Variants in SLC22A5 observed in about 807,000 individuals in gnomAD.
SLC22A5 encodes solute carrier family 22 member 5, also known as organic cation/carnitine transporter 2.
In SLC22A5, 44 loss-of-function variants were observed where a neutral mutation model predicts 56.7. That is an observed-to-expected ratio of 0.78 (90% CI 0.61 to 1.00). The LOEUF (loss-of-function observed/expected upper bound fraction) is 1.00. Ranked by LOEUF, SLC22A5 falls within the 50% of genes least tolerant of loss-of-function variation. The pLI, the probability that SLC22A5 is intolerant of heterozygous loss-of-function variation, is 0.00. For missense variants in SLC22A5, 675 were observed against 723.0 expected, an observed-to-expected ratio of 0.93 and a Z score of 0.76; for synonymous variants, 278 against 292.1, an observed-to-expected ratio of 0.95 and a Z score of 0.49.
intron 1 of SLC22A5, 197 bp from the exon 2 acceptor site, chr5:132,378,181 C>T: frequency 6.3e-7 from 1 of 1,595,326 alleles, no homozygotes; most frequent in Non-Finnish European, 8.5e-7. Flanking sequence ...GTGGGGCCTA[C>T]AATGCTATGA....
At chr5:132,392,692 G>A in intron 8 of SLC22A5, 77 bp downstream of exon 8, 1 of 1,314,392 alleles carries the variant, frequency 7.6e-7, no homozygotes, top group Non-Finnish European at 1.1e-6. Context: ...GCTGGAGGTT[G>A]CGTGTTAACA....
chr5:132,383,690 A>G (rs71583485), intron 2 of SLC22A5: 15,889 of 207,702 alleles, frequency 0.076, 839 homozygotes, highest in East Asian at 0.26. Context: ...ACTTTTGTAC[A>G]TGATACTACC....
intron 7 of SLC22A5, 38 bp downstream of exon 7, chr5:132,390,942 T>C: frequency 6.6e-7 from 1 of 1,509,080 alleles, no homozygotes; most frequent in Non-Finnish European, 9.2e-7. Flanking sequence ...GGGTCTTCAC[T>C]GAGTCTCTTA....
In SLC22A5 at chr5:132,394,170, T is replaced by G; in HGVS notation, c.1587-15T>G. The G allele has an allele frequency of 6.4e-7, 1 of 1,561,912 alleles. No individual in the cohort carries two copies. The stretch of plus-strand genomic sequence containing the variant: ...TTAAAATGTGTTACTGACATATTTT[T>G]GCTTGTTTTTATAGAATGAAACACA... On this transcript the variant is annotated splice_polypyrimidine_tract_variant and intron_variant, in intron 9 of 9. Coordinates refer to ENST00000245407, the MANE Select transcript of SLC22A5 (RefSeq NM_003060.4).
At chr5:132,390,130 A>C in intron 6 of SLC22A5, 1 of 186,478 alleles carries the variant, frequency 5.4e-6, no homozygotes, top group Non-Finnish European at 1.1e-5. Context: ...CTCCATTGGG[A>C]GCCACCTCTG....
At chr5:132,389,797 C>T (rs1389361830) in intron 6 of SLC22A5, 1 of 154,644 alleles carries the variant, frequency 6.5e-6, no homozygotes, top group Non-Finnish European at 1.4e-5. Flanking sequence ...GCCCAGGATC[C>T]CTCCAGGCAG....
intron 1 of SLC22A5, among the ~76,000 whole-genome samples, chr5:132,375,531 G>T (rs1376118571): frequency 6.6e-6 from 1 of 152,144 alleles, no homozygotes; most frequent in Non-Finnish European, 1.5e-5. Context: ...TAGTCCCAGG[G>T]AACTATGTCA....
intron 7 of SLC22A5, among the ~76,000 whole-genome samples, chr5:132,391,290 T>C (rs34492944): frequency 1.7e-3 from 260 of 152,264 alleles, no homozygotes; most frequent in Non-Finnish European, 3.1e-3. Flanking sequence ...TGCTCGGTGA[T>C]AACGATACAC....
chr5:132,376,004 T>C (rs1752128148), intron 1 of SLC22A5: 1 of 152,242 alleles, frequency 6.6e-6, no homozygotes, highest in Non-Finnish European at 1.5e-5. Flanking sequence ...AGCTAAGGAA[T>C]GCTAGACTCC....
chr5:132,382,060 C>T (rs772633443), intron 2 of SLC22A5: 3 of 152,052 alleles, frequency 2.0e-5, no homozygotes, highest in Non-Finnish European at 4.4e-5. Context: ...ACATTTTGAG[C>T]CAAATAATTT....
chr5:132,387,294 C>T, intron 5 of SLC22A5, 143 bp downstream of exon 5: 1 of 867,350 alleles, frequency 1.2e-6, no homozygotes, highest in Non-Finnish European at 1.9e-6. Context: ...CCCCATCCCC[C>T]CACTCCCCAC....
chr5:132,389,017 C>T lies in SLC22A5; in HGVS notation c.1048C>T (p.Leu350=), dbSNP rs1323861649. The change falls in exon 6 of 10, where the codon CTG becomes TTG. Residue 350 remains leucine, a synonymous_variant. Transcript: ENST00000245407. ...GATGGTCACCATCATGTCCATAATGCTGTGGTATGTAAAAGAGACCTGCCT... is the reference window on the plus strand; with the variant it reads ...GATGGTCACCATCATGTCCATAATGTTGTGGTATGTAAAAGAGACCTGCCT... The part of the protein sequence containing the change: ...IRMVTIMSIM[L]WMTISVGYFG... 1 of 1,606,912 alleles carries T rather than the reference C, an allele frequency of 6.2e-7. No homozygotes were observed. The highest frequency in any genetic ancestry group is 8.5e-7 in the Non-Finnish European group (1 of 1,173,548).
At chr5:132,385,619 T>TTA (rs1361982462) in intron 4 of SLC22A5, 120 bp downstream of exon 4, 5 of 827,932 alleles carry the variant, frequency 6.0e-6, no homozygotes, top group Middle Eastern at 2.3e-4. Flanking sequence ...GAAGCATAGA[T>TTA]TATAAATTAT....
At chr5:132,371,714 A>G (rs984008319) in intron 1 of SLC22A5, among the ~76,000 whole-genome samples, 1 of 152,114 alleles carries the variant, frequency 6.6e-6, no homozygotes. Flanking sequence ...TCAGCTCAGC[A>G]TAATAGTGAG....
Position 132,393,752 on chromosome 5 carries a change from C to T in SLC22A5, c.1527C>T (p.Leu509=), listed in dbSNP as rs1656949700. Residue 509 remains leucine, a synonymous_variant, in exon 9 of 10, where the codon CTC becomes CTT. Coordinates refer to ENST00000245407, the MANE Select transcript of SLC22A5 (RefSeq NM_003060.4). ...TILTAILTLF[L]PESFGTPLPD... ...TGACAGCCATCCTCACCTTGTTTCT[C>T]CCAGAGAGCTTCGGTACCCCACTCC... 1 of 1,614,012 alleles carries T rather than the reference C, an allele frequency of 6.2e-7. No individual in the cohort carries two copies. Among genetic ancestry groups the T allele is most frequent in the African/African-American group, 1.3e-5 (1 of 74,902 alleles).
intron 8 of SLC22A5, 78 bp downstream of exon 8, chr5:132,392,693 C>T (rs59995273): frequency 1.0e-5 from 13 of 1,295,636 alleles, no homozygotes; most frequent in Middle Eastern, 2.5e-4. Flanking sequence ...CTGGAGGTTG[C>T]GTGTTAACAG....
chr5:132,373,363 G>A (rs953545417), intron 1 of SLC22A5, among the ~76,000 whole-genome samples: 3 of 152,216 alleles, frequency 2.0e-5, no homozygotes, highest in Non-Finnish European at 4.4e-5. Context: ...TTGGCAGGGC[G>A]TGGTGGCTCA....
At chr5:132,388,449 C>A (rs1752602238) in intron 5 of SLC22A5, among the ~76,000 whole-genome samples, 1 of 152,160 alleles carries the variant, frequency 6.6e-6, no homozygotes, top group South Asian at 2.1e-4. Context: ...TATTTGAATT[C>A]TTTTTCCCTG....
rs72552726 is a variant in SLC22A5, at chr5:132,370,220, G to T, written c.248G>T (p.Arg83Leu). The T allele has an allele frequency of 1.0e-4, 162 of 1,586,198 alleles. No homozygotes were observed. The South Asian group carries it at 1.8e-3, about 17-fold the overall frequency. Reference sequence around the variant, plus strand: ...CGCGAGGTGCCCCACAGCTGCCGCCGCTACCGGCTCGCCACCATCGCCAAC... The same window carrying T: ...CGCGAGGTGCCCCACAGCTGCCGCCTCTACCGGCTCGCCACCATCGCCAAC... Reference protein sequence around the residue: ...DGREVPHSCRRYRLATIANFS... With the variant: ...DGREVPHSCRLYRLATIANFS... The change falls in exon 1 of 10, where the codon CGC becomes CTC. Residue 83 changes from arginine to leucine, a missense_variant. Transcript: ENST00000245407.
Sources: gnomAD v4.1 joint callset for allele counts (sites outside exome capture counted in the v4.1 genomes callset) on GRCh38, gnomAD v4.1.1 for gene constraint, MANE v1.5 for transcripts, NCBI Gene and HGNC (gene_info 2026-07-23, HGNC 2026-07-21) for gene names.